ATP1B3: variants seen among roughly 807,000 people sequenced by gnomAD.
ATP1B3 encodes ATPase Na+/K+ transporting subunit beta 3.
A neutral mutation model predicts 30.2 loss-of-function variants in ATP1B3; 10 were observed. That is an observed-to-expected ratio of 0.33 (90% confidence interval 0.20 to 0.56). ATP1B3 has a LOEUF of 0.56. ATP1B3 is among the 20% of genes least tolerant of loss of function. The probability of loss-of-function intolerance (pLI) is 0.90; values close to 1 mark genes in which losing one functional copy is unlikely to be tolerated. For missense variants in ATP1B3, 238 were observed against 336.7 expected (o/e 0.71, Z 2.29); for synonymous variants, 113 against 117.0 (o/e 0.97, Z 0.22).
At chr3:141,891,806 T>A (rs1168306187) in intron 1 of ATP1B3, among the ~76,000 whole-genome samples, 8 of 152,122 alleles carry the variant, frequency 5.3e-5, no homozygotes, top group Admixed American at 5.2e-4. Context: ...TGTGTTTTTT[T>A]AATTCAGGGA....
At chr3:141,886,464 A>G (rs117251614) in intron 1 of ATP1B3, among the ~76,000 whole-genome samples, 11 of 152,316 alleles carry the variant, frequency 7.2e-5, no homozygotes, top group East Asian at 1.9e-4. Context: ...GTGTAATTCT[A>G]TCACCCAGCT....
intron 1 of ATP1B3, among the ~76,000 whole-genome samples, chr3:141,902,664 A>T (rs1934186432): frequency 6.6e-6 from 1 of 152,222 alleles, no homozygotes; most frequent in African/African-American, 2.4e-5. Context: ...TGTGAAAGGA[A>T]AGAGATTAAG....
At position 141,925,606 on chromosome 3, in the gene ATP1B3, G is replaced by C. The variant is rs755620711; in HGVS notation, c.745G>C (p.Glu249Gln). 3.7e-6 allele frequency: 6 copies of C among 1,613,862 alleles called. 1 individual carries two copies. In the South Asian group the frequency reaches 6.6e-5, roughly 18 times the overall value. ...CAACACTGGGAAAGAAGTAACAGTT[G>C]AGTGCAAGATTGATGGATCAGCCAA... ...PNNTGKEVTV[E>Q]CKIDGSANLK... Residue 249 changes from glutamate (E) to glutamine (Q), a missense_variant, in exon 7 of 7, where the codon GAG becomes CAG. Transcript: ENST00000286371.
chr3:141,899,608 G>C (rs1017284144), intron 1 of ATP1B3, among the ~76,000 whole-genome samples: 2 of 152,192 alleles, frequency 1.3e-5, no homozygotes, highest in African/African-American at 4.8e-5. Flanking sequence ...AGTGGCTCAC[G>C]CCTGTAATCC....
chr3:141,892,669 A>AAC (rs1933978507), intron 1 of ATP1B3, among the ~76,000 whole-genome samples: 1 of 151,080 alleles, frequency 6.6e-6, no homozygotes, highest in Non-Finnish European at 1.5e-5. Context: ...AAAAAAAAAA[A>AAC]AAAAAAACAG....
At chr3:141,901,849 A>G (rs1221270826) in intron 1 of ATP1B3, among the ~76,000 whole-genome samples, 7 of 152,212 alleles carry the variant, frequency 4.6e-5, no homozygotes, top group Non-Finnish European at 1.0e-4. Flanking sequence ...TGTTTCAGAC[A>G]TCTCCACTTT....
intron 3 of ATP1B3, among the ~76,000 whole-genome samples, chr3:141,909,403 A>C (rs1934317684): frequency 6.6e-6 from 1 of 152,218 alleles, no homozygotes; most frequent in South Asian, 2.1e-4. Context: ...GGTGAATTAG[A>C]AGATAGTACA....
At chr3:141,876,935 C>CGGGGCCGGCCTCGGTCCCGGG in intron 1 of ATP1B3, 25 bp downstream of exon 1, 2 of 1,532,580 alleles carry the variant, frequency 1.3e-6, no homozygotes, top group Non-Finnish European at 1.8e-6. Context: ...GCTGGGCGTC[C>CGGGGCCGGCCTCGGTCCCGGG]GGGGCCGGCC....
chr3:141,887,706 A>G (rs1293738113), intron 1 of ATP1B3, among the ~76,000 whole-genome samples: 1 of 152,246 alleles, frequency 6.6e-6, no homozygotes, highest in Non-Finnish European at 1.5e-5. Flanking sequence ...TGTCTACACA[A>G]TGGAATACTA....
intron 2 of ATP1B3, among the ~76,000 whole-genome samples, chr3:141,904,328 G>T (rs1004591320): frequency 6.6e-6 from 1 of 151,244 alleles, no homozygotes; most frequent in South Asian, 2.1e-4. Context: ...TCAGAAGTAA[G>T]CAAATGAATA....
intron 5 of ATP1B3, chr3:141,918,485 C>A (rs1288429278): frequency 6.6e-6 from 1 of 151,310 alleles, no homozygotes; most frequent in Non-Finnish European, 1.5e-5. Flanking sequence ...CTCTCTGTTG[C>A]CCAGGCTGGA....
intron 2 of ATP1B3, among the ~76,000 whole-genome samples, chr3:141,906,957 C>A (rs1018824043): frequency 2.0e-5 from 3 of 152,128 alleles, no homozygotes; most frequent in African/African-American, 7.2e-5. Context: ...AGTTTCTAAT[C>A]GGTAATGTCT....
chr3:141,878,766 G>A (rs1933657323), intron 1 of ATP1B3, among the ~76,000 whole-genome samples: 2 of 152,220 alleles, frequency 1.3e-5, no homozygotes, highest in Admixed American at 1.3e-4. Flanking sequence ...ACTCTTATCA[G>A]TAAATTTTTT....
At position 141,879,738 on chromosome 3, in the gene ATP1B3, C is replaced by T. The variant is rs550189868; in HGVS notation, c.109+2828C>T. On this transcript the variant is annotated intron_variant, in intron 1 of 6. Coordinates refer to ENST00000286371, the MANE Select transcript of ATP1B3 (RefSeq NM_001679.4). ...AGGTTGCAGTGAGCTGAGATCGCAC[C>T]ACTGCACTCCAGCCTGGGCGACAAA... Among the ~76,000 whole-genome samples the T allele has an allele frequency of 9.7e-3, 1,370 of 141,954 alleles. 15 individuals carry two copies. The highest frequency in any genetic ancestry group is 0.015 in the Non-Finnish European group (995 of 66,294). The allele number at this position is 141,954 out of a possible 152,430, so 93.1% of individuals were successfully genotyped here.
chr3:141,901,038 C>T (rs1934152715), intron 1 of ATP1B3, among the ~76,000 whole-genome samples: 1 of 152,210 alleles, frequency 6.6e-6, no homozygotes, highest in Non-Finnish European at 1.5e-5. Flanking sequence ...CCGCCTTGGC[C>T]TCCCAAAGTG....
intron 1 of ATP1B3, among the ~76,000 whole-genome samples, chr3:141,893,327 C>A (rs978470700): frequency 1.3e-5 from 2 of 152,064 alleles, no homozygotes; most frequent in Admixed American, 1.3e-4. Flanking sequence ...TCTTGATGTT[C>A]TAAAATTTTA....
At chr3:141,908,681 C>G (rs540874300) in intron 3 of ATP1B3, among the ~76,000 whole-genome samples, 1 of 152,338 alleles carries the variant, frequency 6.6e-6, no homozygotes, top group Admixed American at 6.5e-5. Context: ...ACTTGCTTAA[C>G]TGCCTGGTAA....
chr3:141,910,913 T>A (rs940088628), intron 3 of ATP1B3, among the ~76,000 whole-genome samples: 1 of 152,170 alleles, frequency 6.6e-6, no homozygotes, highest in African/African-American at 2.4e-5. Flanking sequence ...GAAAATGGCT[T>A]ATTTCTGCCT....
At chr3:141,900,535 A>G (rs1934144372) in intron 1 of ATP1B3, among the ~76,000 whole-genome samples, 1 of 152,162 alleles carries the variant, frequency 6.6e-6, no homozygotes, top group African/African-American at 2.4e-5. Context: ...CTAGTGAACA[A>G]ACTTGAGGGT....
Sources: allele counts gnomAD v4.1 joint callset (sites outside exome capture counted in the v4.1 genomes callset), GRCh38; gene constraint gnomAD v4.1.1; transcripts MANE v1.5; gene names NCBI Gene and HGNC (gene_info 2026-07-23, HGNC 2026-07-21).